Variants in RAP1GAP observed in about 807,000 individuals in gnomAD.
RAP1GAP encodes rap1 GTPase-activating protein 1.
RAP1GAP carries 35 observed loss-of-function variants against 87.2 expected under a neutral mutation model. The ratio of observed to expected loss-of-function variants is 0.40; its 90% CI spans 0.31 to 0.53. The LOEUF (loss-of-function observed/expected upper bound fraction) is 0.53, where lower values mean the gene tolerates loss of function less well. Among genes scored for constraint, RAP1GAP ranks in the 20% least tolerant of loss-of-function variants. The pLI, the probability that RAP1GAP is intolerant of heterozygous loss-of-function variation, is 0.48. For missense variants in RAP1GAP, 734 were observed against 898.9 expected, an observed-to-expected ratio of 0.82 and a Z score of 2.35; for synonymous variants, 375 against 363.9, an observed-to-expected ratio of 1.03 and a Z score of -0.35.
Position 21,634,157 on chromosome 1 carries a change from G to A in RAP1GAP, c.-112-7760C>T, listed in dbSNP as rs1431350536. Reference sequence around the variant, plus strand: ...GCCCCTGTCCCTGCCAAAGTGCCAGGGAAGGTGGCCGGGGCAGCCAGTTGA... The same window carrying A: ...GCCCCTGTCCCTGCCAAAGTGCCAGAGAAGGTGGCCGGGGCAGCCAGTTGA... On this transcript the variant is annotated intron_variant, in intron 2 of 24. Transcript: ENST00000374765. The surrounding 1 kb of genome is among the most constrained non-coding windows in gnomAD (Gnocchi z 4.1). Among the ~76,000 whole-genome samples, 2 of 152,004 alleles carry A rather than the reference G, an allele frequency of 1.3e-5. No individual in the cohort carries two copies. Among genetic ancestry groups the A allele is most frequent in the African/African-American group, 4.8e-5 (2 of 41,368 alleles).
At chr1:21,639,780 G>A (rs909309513) in intron 2 of RAP1GAP, among the ~76,000 whole-genome samples, 17 of 152,200 alleles carry the variant, frequency 1.1e-4, no homozygotes, top group South Asian at 1.0e-3. Context: ...GCGGGGCAGC[G>A]TCTGACACTT....
intron 21 of RAP1GAP, 41 bp downstream of exon 21, chr1:21,599,453 C>T (rs975905444): frequency 1.1e-5 from 18 of 1,581,356 alleles, no homozygotes; most frequent in Non-Finnish European, 1.5e-5. Flanking sequence ...GAGCCCCCTT[C>T]CAAGCTCCTG....
chr1:21,641,074 A>ATTTTTTTTTTTTTT (rs546229041), intron 2 of RAP1GAP, among the ~76,000 whole-genome samples: 2 of 132,134 alleles, frequency 1.5e-5, no homozygotes, highest in African/African-American at 5.8e-5. Flanking sequence ...CGCCCAGCTA[A>ATTTTTTTTTTTTTT]TTTTTTTTTT....
chr1:21,606,055 A>T lies in RAP1GAP; in HGVS notation c.1428+11T>A. Reference sequence around the variant, plus strand: ...GAGGGGCCGGGGCCTGGGGAGGGGGAGGGCACTCACTATTCCAGCCGCCTT... The same window carrying T: ...GAGGGGCCGGGGCCTGGGGAGGGGGTGGGCACTCACTATTCCAGCCGCCTT... On this transcript the variant is annotated intron_variant, in intron 18 of 24. Coordinates refer to ENST00000374765, the MANE Select transcript of RAP1GAP (RefSeq NM_002885.4). The T allele has an allele frequency of 1.3e-6, 2 of 1,571,688 alleles. No homozygotes were observed. The highest frequency in any genetic ancestry group is 1.9e-5 in the Admixed American group (1 of 53,908).
In RAP1GAP at chr1:21,659,969, C is replaced by T. The variant is rs1009173715; in HGVS notation, c.-149+9285G>A. On this transcript the variant is annotated intron_variant, in intron 1 of 24. Coordinates refer to ENST00000374765, the MANE Select transcript of RAP1GAP (RefSeq NM_002885.4). ...ACCTCTCTGAGGTCTTCACACTGCT[C>T]TGAGTCACTGTGAGGGACGCTCCTG... 3.9e-5 allele frequency among the ~76,000 whole-genome samples: 6 copies of T among 152,274 alleles called. No homozygotes were observed. The East Asian group carries it at 1.2e-3, about 30-fold the overall frequency.
chr1:21,626,589 G>A (rs1012838792), intron 2 of RAP1GAP, among the ~76,000 whole-genome samples, 192 bp from the exon 3 acceptor site: 3 of 152,156 alleles, frequency 2.0e-5, no homozygotes, highest in Non-Finnish European at 4.4e-5. Flanking sequence ...CTCCTTCCCC[G>A]GAGATCAGAG....
intron 7 of RAP1GAP, among the ~76,000 whole-genome samples, chr1:21,616,786 G>A (rs2082442491): frequency 6.6e-6 from 1 of 152,226 alleles, no homozygotes; most frequent in South Asian, 2.1e-4. Flanking sequence ...GGTCTATTGT[G>A]TTGGCTGCTG....
At chr1:21,656,302 C>T (rs1276446142) in intron 1 of RAP1GAP, among the ~76,000 whole-genome samples, 1 of 151,592 alleles carries the variant, frequency 6.6e-6, no homozygotes, top group Non-Finnish European at 1.5e-5. Context: ...GTGGTGGCAC[C>T]CAGCTACTCA....
At position 21,610,238 on chromosome 1, in the gene RAP1GAP, G is replaced by A; in HGVS notation, c.881C>T (p.Ala294Val). The A allele has an allele frequency of 6.2e-7, 1 of 1,614,146 alleles. No individual in the cohort carries two copies. The highest frequency in any genetic ancestry group is 8.5e-7 in the Non-Finnish European group (1 of 1,180,024). The change falls in exon 14 of 25, where the codon GCT (alanine) becomes GTT (valine). Residue 294 changes from alanine to valine, a missense_variant. Transcript: ENST00000374765. Reference sequence around the variant, plus strand: ...AGTGTTCTCATCCTGGAAGACCACAGCCACGATGTCGTTCCCGATGTGCCG... The same window carrying A: ...AGTGTTCTCATCCTGGAAGACCACAACCACGATGTCGTTCCCGATGTGCCG... ...RKRHIGNDIV[A>V]VVFQDENTPF...
At chr1:21,628,112 C>G (rs2092798374) in intron 2 of RAP1GAP, among the ~76,000 whole-genome samples, 1 of 152,118 alleles carries the variant, frequency 6.6e-6, no homozygotes, top group Non-Finnish European at 1.5e-5. Flanking sequence ...TGTTGAATGA[C>G]TGAATGAATG....
chr1:21,637,145 CTTTTTT>C (rs869047762), intron 2 of RAP1GAP, among the ~76,000 whole-genome samples: 2 of 128,506 alleles, frequency 1.6e-5, no homozygotes. Context: ...TCTTTTTTTT[CTTTTTT>C]TTTTTTTTTT....
chr1:21,631,600 C>T (rs930879289), intron 2 of RAP1GAP, among the ~76,000 whole-genome samples: 1 of 152,256 alleles, frequency 6.6e-6, no homozygotes, highest in African/African-American at 2.4e-5. Flanking sequence ...GCAGGAGAAT[C>T]GCTTGAACCC....
intron 2 of RAP1GAP, among the ~76,000 whole-genome samples, chr1:21,636,541 T>A (rs2094693093): frequency 6.6e-6 from 1 of 152,158 alleles, no homozygotes; most frequent in Non-Finnish European, 1.5e-5. Context: ...GCATGGTGGC[T>A]CATGCCTATA....
chr1:21,602,746 G>A lies in RAP1GAP; in HGVS notation c.1538+58C>T, dbSNP rs1456896184. On this transcript the variant is annotated intron_variant, in intron 19 of 24. Transcript: ENST00000374765. ...CTTCTGCCTGCCTTGCTTTGCCACC[G>A]AATGGGGCTCAGGGATGGGGATGCA... The A allele has an allele frequency of 4.8e-6, 7 of 1,466,534 alleles. No homozygotes were observed. In the Admixed American group the frequency reaches 7.3e-5, roughly 15 times the overall value. The allele number at this position is 1,466,534 out of a possible 1,614,324, so 90.8% of individuals were successfully genotyped here.
chr1:21,658,305 C>A (rs1229726841), intron 1 of RAP1GAP, among the ~76,000 whole-genome samples: 1 of 152,190 alleles, frequency 6.6e-6, no homozygotes, highest in Non-Finnish European at 1.5e-5. Flanking sequence ...CAGTGGCTCA[C>A]ATCTGTAATC....
intron 17 of RAP1GAP, among the ~76,000 whole-genome samples, chr1:21,607,826 C>T (rs1279997838): frequency 1.3e-5 from 2 of 152,104 alleles, no homozygotes; most frequent in Non-Finnish European, 2.9e-5. Flanking sequence ...CTTCGAGCCC[C>T]GCCCTCATCC....
Position 21,608,329 on chromosome 1 carries a change from G to C in RAP1GAP, c.1180C>G (p.Leu394Val), listed in dbSNP as rs745519801. The change falls in exon 17 of 25, where the codon CTG (leucine) becomes GTG (valine). Residue 394 changes from leucine (L) to valine (V), a missense_variant. By Grantham distance (32) the Leu-to-Val change is conservative. Coordinates refer to ENST00000374765, the MANE Select transcript of RAP1GAP (RefSeq NM_002885.4). ...KLEERTRAALLETLYEELHIH... is the reference protein window; with the variant it reads ...KLEERTRAALVETLYEELHIH... ...TGTAGTTCCTCATAGAGCGTCTCCA[G>C]GAGGGCGGCCCGCGTCCGCTCCTGT... The C allele has an allele frequency of 6.2e-7, 1 of 1,613,496 alleles. No homozygotes were observed. The highest frequency in any genetic ancestry group is 1.7e-5 in the Admixed American group (1 of 60,014).
Position 21,669,188 on chromosome 1 carries a change from CG to C in RAP1GAP, c.-149+65del. ...GCGCGGGGTCTTCGCTGCGAGCCGA[CG>C]GGAGTCTGGACACCTCTGTCCCCTT... On this transcript the variant is annotated intron_variant, in intron 1 of 24. Coordinates refer to ENST00000374765, the MANE Select transcript of RAP1GAP (RefSeq NM_002885.4). This position sits in a 1 kb window ranked among gnomAD's most constrained non-coding sequence, Gnocchi z 5.6. 8.1e-7 allele frequency: 1 copy of C among 1,229,402 alleles called. No individual in the cohort carries two copies. Among genetic ancestry groups the C allele is most frequent in the Non-Finnish European group, 1.0e-6 (1 of 964,844 alleles). 76.2% of individuals were successfully genotyped at this position (1,229,402 alleles called of 1,614,324 possible). A position where few individuals can be genotyped will look rare whatever the true frequency, so the allele number is the denominator to read the frequency against.
At chr1:21,600,655 G>A (rs894604845) in intron 20 of RAP1GAP, among the ~76,000 whole-genome samples, 3 of 152,180 alleles carry the variant, frequency 2.0e-5, no homozygotes, top group Admixed American at 2.0e-4. Context: ...GGGAGGCTGA[G>A]GCGGGCGGAT....
Sources: allele counts gnomAD v4.1 joint callset (sites outside exome capture counted in the v4.1 genomes callset), GRCh38; gene constraint gnomAD v4.1.1; non-coding constraint Gnocchi (gnomAD v3.1); transcripts MANE v1.5; gene names NCBI Gene and HGNC (gene_info 2026-07-23, HGNC 2026-07-21).